STAT3: variants seen among roughly 807,000 people sequenced by gnomAD.
STAT3 encodes the protein signal transducer and activator of transcription 3.
In STAT3, 7 loss-of-function variants were observed where a neutral mutation model predicts 114.3. The ratio of observed to expected loss-of-function variants is 0.06; its 90% CI spans 0.03 to 0.11. STAT3 has a LOEUF of 0.11. Among genes scored for constraint, STAT3 ranks in the 10% least tolerant of loss-of-function variants. The pLI, the probability that STAT3 is intolerant of heterozygous loss-of-function variation, is 1.00. For synonymous variants in STAT3, 331 were observed against 354.5 expected, an observed-to-expected ratio of 0.93 and a Z score of 0.74; for missense variants, 364 against 960.9, an observed-to-expected ratio of 0.38 and a Z score of 8.21.
At chr17:42,331,564 G>A (rs759333099) in intron 10 of STAT3, 33 bp from the exon 11 acceptor site, 15 of 1,547,106 alleles carry the variant, frequency 9.7e-6, no homozygotes, top group South Asian at 1.1e-5. Context: ...AGGAAAAAAA[G>A]TCAGTAACTC....
chr17:42,322,983 G>C lies in STAT3; in HGVS notation c.1888+21C>G, dbSNP rs201963465. 350 of 1,612,986 alleles carry C rather than the reference G, an allele frequency of 2.2e-4. No homozygotes were observed. The African/African-American group carries it at 4.5e-3, about 21-fold the overall frequency. On this transcript the variant is annotated intron_variant, in intron 20 of 23. Transcript: ENST00000264657. Reference sequence around the variant, plus strand: ...GCCTCAGCAGCCACCAGCAGGTGGGGTGGGTGGGAGCCTCCCTTACCGCTG... The same window carrying C: ...GCCTCAGCAGCCACCAGCAGGTGGGCTGGGTGGGAGCCTCCCTTACCGCTG...
At chr17:42,380,809 A>T (rs1400297386) in intron 1 of STAT3, among the ~76,000 whole-genome samples, 1 of 152,202 alleles carries the variant, frequency 6.6e-6, no homozygotes, top group Non-Finnish European at 1.5e-5. Context: ...GCTACCCCGA[A>T]GGCTGAGGCA....
rs1180308108 is a variant in STAT3 at position 42,326,148 on chromosome 17, C to A, written c.1333G>T (p.Val445Leu). ...TCAATCTTGAGGCCTTGGTGATACA[C>A]CTCGGTCTCAAAGGTGATCAGGTGC... Reference protein sequence around the residue: ...ELHLITFETEVYHQGLKIDLE... With the variant: ...ELHLITFETELYHQGLKIDLE... Residue 445 changes from valine to leucine, a missense_variant, in exon 15 of 24, where the codon GTG (valine) becomes TTG (leucine). Val to Leu is a conservative substitution (Grantham distance 32). This residue lies in a region of STAT3 where 294 missense variants were observed against 745.1 expected (regional missense o/e 0.39). Transcript: ENST00000264657. The A allele has an allele frequency of 1.2e-6, 2 of 1,614,024 alleles. No homozygotes were observed. The highest frequency in any genetic ancestry group is 1.7e-6 in the Non-Finnish European group (2 of 1,179,920).
In STAT3 at chr17:42,315,689, C is replaced by G. The variant is rs368388401; in HGVS notation, c.*56G>C. The G allele has an allele frequency of 1.3e-6, 2 of 1,563,726 alleles. No homozygotes were observed. The highest frequency in any genetic ancestry group is 1.8e-6 in the Non-Finnish European group (2 of 1,134,276). ...TGGGGTTTGGCTGTGTGAGGGGTGG[C>G]AGAATGCAGGTAGGCGCCTCAGTCG... On this transcript the variant is annotated 3_prime_UTR_variant, in exon 24 of 24. Transcript: ENST00000264657.
At position 42,315,508 on chromosome 17, in the gene STAT3, T is replaced by A; in HGVS notation, c.*237A>T. On this transcript the variant is annotated 3_prime_UTR_variant, in exon 24 of 24. Coordinates refer to ENST00000264657, the MANE Select transcript of STAT3 (RefSeq NM_139276.3). The stretch of plus-strand genomic sequence containing the variant: ...CCCCGCCACATCCCCTGATCATGGG[T>A]CTCAGAGAACACATCCTTATTTGCA... The A allele has an allele frequency of 1.6e-6, 1 of 608,350 alleles. No individual in the cohort carries two copies. The highest frequency in any genetic ancestry group is 2.8e-5 in the East Asian group (1 of 36,332). The allele number at this position is 608,350 out of a possible 1,614,324, so 37.7% of individuals were successfully genotyped here.
At position 42,357,441 on chromosome 17, in the gene STAT3, G is replaced by A. The variant is rs372005997; in HGVS notation, c.-23-8902C>T. Among the ~76,000 whole-genome samples the A allele has an allele frequency of 9.2e-5, 14 of 152,252 alleles. No homozygotes were observed. The South Asian group carries it at 2.1e-3, about 23-fold the overall frequency. On this transcript the variant is annotated intron_variant, in intron 1 of 23. Coordinates refer to ENST00000264657, the MANE Select transcript of STAT3 (RefSeq NM_139276.3). The stretch of plus-strand genomic sequence containing the variant: ...TGCTTGTAATCCTTGGGAGGCTGAG[G>A]AGGGTAGGTCACCTGAGGTCAGGAG...
intron 23 of STAT3, chr17:42,316,297 A>T (rs1317316725): frequency 2.9e-6 from 1 of 346,062 alleles, no homozygotes; most frequent in Non-Finnish European, 5.5e-6. Flanking sequence ...GTGCAGTGGC[A>T]CGATCTCTGC....
rs1029487764 is a variant in STAT3, at chr17:42,317,400, G to C, written c.2102-176C>G. On this transcript the variant is annotated intron_variant, in intron 21 of 23. Transcript: ENST00000264657. The stretch of plus-strand genomic sequence containing the variant: ...TTGTCTGCCCTCATTTATACTATTT[G>C]ATCTCCCAGGCACTAGCAGCTGTGA... The C allele has an allele frequency of 1.5e-5, 11 of 717,366 alleles. No individual in the cohort carries two copies. The South Asian group carries it at 1.6e-4, about 11-fold the overall frequency. The allele number at this position is 717,366 out of a possible 1,614,324, so 44.4% of individuals were successfully genotyped here. A position where few individuals can be genotyped will look rare whatever the true frequency, so the allele number is the denominator to read the frequency against.
Position 42,324,039 on chromosome 17 carries a change from C to T in STAT3, c.1601-414G>A, listed in dbSNP as rs747337235. On this transcript the variant is annotated intron_variant, in intron 17 of 23. Coordinates refer to ENST00000264657, the MANE Select transcript of STAT3 (RefSeq NM_139276.3). The surrounding 1 kb of genome is among the most constrained non-coding windows in gnomAD (Gnocchi z 4.5). The stretch of plus-strand genomic sequence containing the variant: ...TAATTCTTTTTTAAAAACTAGCCTA[C>T]GCTGGGCACAGTGGCTCAAGCCTGT... Among the ~76,000 whole-genome samples, 1 of 152,118 alleles carries T rather than the reference C, an allele frequency of 6.6e-6. No individual in the cohort carries two copies. The highest frequency in any genetic ancestry group is 6.5e-5 in the Admixed American group (1 of 15,270).
At chr17:42,381,093 C>A (rs976505046) in intron 1 of STAT3, among the ~76,000 whole-genome samples, 15 of 152,048 alleles carry the variant, frequency 9.9e-5, no homozygotes, top group Middle Eastern at 3.4e-3. Flanking sequence ...AACAACAGGC[C>A]CAAGGTCTAA....
intron 1 of STAT3, among the ~76,000 whole-genome samples, chr17:42,360,146 C>T (rs1342220290): frequency 6.7e-6 from 1 of 149,620 alleles, no homozygotes; most frequent in Non-Finnish European, 1.5e-5. Flanking sequence ...GGAATCATAA[C>T]GCACAGTCTG....
chr17:42,357,293 G>A (rs550910894), intron 1 of STAT3, among the ~76,000 whole-genome samples: 6 of 152,238 alleles, frequency 3.9e-5, no homozygotes, highest in African/African-American at 1.4e-4. Flanking sequence ...AGAAAAGTAA[G>A]AGAAAGCAAT....
intron 10 of STAT3, among the ~76,000 whole-genome samples, chr17:42,332,335 C>T (rs1400479374): frequency 6.7e-6 from 1 of 150,008 alleles, no homozygotes; most frequent in Non-Finnish European, 1.5e-5. Flanking sequence ...GTCAGGAGTT[C>T]GAGACCAGCC....
chr17:42,317,284 T>A, intron 21 of STAT3, 60 bp from the exon 22 acceptor site: 1 of 1,586,430 alleles, frequency 6.3e-7, no homozygotes, highest in Non-Finnish European at 8.6e-7. Context: ...TAAGCAGAGC[T>A]GGAGGAAGCC....
chr17:42,324,329 T>A lies in STAT3; in HGVS notation c.1600+382A>T, dbSNP rs985684318. ...GCAAGACTCGTCTCAAAAAAATAAA[T>A]AAATAAATAAAATAAGACAAAAAAA... On this transcript the variant is annotated intron_variant, in intron 17 of 23. Transcript: ENST00000264657. This position sits in a 1 kb window ranked among gnomAD's most constrained non-coding sequence, Gnocchi z 4.5. 6.6e-6 allele frequency among the ~76,000 whole-genome samples: 1 copy of A among 151,268 alleles called. No homozygotes were observed. Among genetic ancestry groups the A allele is most frequent in the Admixed American group, 6.6e-5 (1 of 15,142 alleles).
chr17:42,327,078 C>T (rs2081760794), intron 14 of STAT3, among the ~76,000 whole-genome samples: 2 of 152,022 alleles, frequency 1.3e-5, no homozygotes, highest in Non-Finnish European at 2.9e-5. Flanking sequence ...TACATAGATC[C>T]AATTGGTTAT....
intron 1 of STAT3, among the ~76,000 whole-genome samples, chr17:42,367,740 T>C (rs1598493541): frequency 6.6e-6 from 1 of 152,190 alleles, no homozygotes; most frequent in Non-Finnish European, 1.5e-5. Context: ...CTCCTTCCAA[T>C]ATGATCAACT....
At chr17:42,323,446 C>A (rs575954348) in intron 18 of STAT3, 92 bp from the exon 19 acceptor site, 1 of 1,559,056 alleles carries the variant, frequency 6.4e-7, no homozygotes, top group East Asian at 2.2e-5. Flanking sequence ...TCCTCAGGCC[C>A]GTCTACCTTC....
rs1366270214 is a variant in STAT3 at position 42,316,501 on chromosome 17, G to A, written c.2257+288C>T. ...CCCAAAGTGCTGGGATTACAGGCAT[G>A]AGCCACTCACCCAGCCTCAACTTTT... On this transcript the variant is annotated intron_variant, in intron 23 of 23. Coordinates refer to ENST00000264657, the MANE Select transcript of STAT3 (RefSeq NM_139276.3). The A allele has an allele frequency of 6.0e-6, 4 of 669,694 alleles. No individual in the cohort carries two copies. The East Asian group carries it at 1.6e-4, about 27-fold the overall frequency. The allele number at this position is 669,694 out of a possible 1,614,324, so 41.5% of individuals were successfully genotyped here.
Sources: gnomAD v4.1 joint callset for allele counts (sites outside exome capture counted in the v4.1 genomes callset) on GRCh38, gnomAD v4.1.1 for gene constraint, gnomAD v4.1.1 regional missense constraint, Gnocchi (gnomAD v3.1) non-coding constraint, MANE v1.5 for transcripts, NCBI Gene and HGNC (gene_info 2026-07-23, HGNC 2026-07-21) for gene names.